RHO: variants seen among roughly 807,000 people sequenced by gnomAD.
The protein encoded by RHO is rhodopsin.
RHO carries 21 observed loss-of-function variants against 31.2 expected under a neutral mutation model. The observed-to-expected ratio is 0.67, with a 90% confidence interval of 0.48 to 0.97. The LOEUF (loss-of-function observed/expected upper bound fraction) is 0.97, where lower values mean the gene tolerates loss of function less well. Among genes scored for constraint, RHO ranks in the 50% least tolerant of loss-of-function variants. The pLI is 0.00. For synonymous variants in RHO, 211 were observed against 196.6 expected, an observed-to-expected ratio of 1.07 and a Z score of -0.61; for missense variants, 414 against 479.5, an observed-to-expected ratio of 0.86 and a Z score of 1.28.
chr3:129,535,199 T>C lies in RHO; in HGVS notation c.*1481T>C, dbSNP rs1341853170. Reference sequence around the variant, plus strand: ...GGTGGGTTTTGTTGCTTTCACACTCTATCCACAGGATAGATTGAAACTGCC... The same window carrying C: ...GGTGGGTTTTGTTGCTTTCACACTCCATCCACAGGATAGATTGAAACTGCC... On this transcript the variant is annotated 3_prime_UTR_variant, in exon 5 of 5. Coordinates refer to ENST00000296271, the MANE Select transcript of RHO (RefSeq NM_000539.3). The C allele has an allele frequency of 2.6e-5, 4 of 152,638 alleles. No individual in the cohort carries two copies. Among genetic ancestry groups the C allele is most frequent in the African/African-American group, 9.6e-5 (4 of 41,452 alleles). 9.5% of individuals were successfully genotyped at this position (152,638 alleles called of 1,614,324 possible). A position where few individuals can be genotyped will look rare whatever the true frequency, so the allele number is the denominator to read the frequency against.
intron 4 of RHO, among the ~76,000 whole-genome samples, chr3:129,533,167 T>A (rs2108750642): frequency 6.6e-6 from 1 of 152,080 alleles, no homozygotes; most frequent in East Asian, 1.9e-4. Flanking sequence ...GGGTAAAGGG[T>A]TCCTCGGAGA....
In RHO at chr3:129,528,906, C is replaced by G. The variant is rs28933394; in HGVS notation, c.173C>G (p.Thr58Arg). 6.2e-7 allele frequency: 1 copy of G among 1,614,254 alleles called. No individual in the cohort carries two copies. Among genetic ancestry groups the G allele is most frequent in the Non-Finnish European group, 8.5e-7 (1 of 1,180,056 alleles). ...IVLGFPINFL[T>R]LYVTVQHKKL... ...CTGGGCTTCCCCATCAACTTCCTCA[C>G]GCTCTACGTCACCGTCCAGCACAAG... is the stretch of plus-strand genomic sequence containing the variant. Residue 58 changes from threonine (T) to arginine (R), a missense_variant, in exon 1 of 5, where the codon ACG (threonine) becomes AGG (arginine). Coordinates refer to ENST00000296271, the MANE Select transcript of RHO (RefSeq NM_000539.3).
In RHO at chr3:129,530,973, C is replaced by A; in HGVS notation, c.459C>A (p.Ala153=). Residue 153 remains alanine, a synonymous_variant, in exon 2 of 5, where the codon GCC becomes GCA. Transcript: ENST00000296271. ...MSNFRFGENH[A]IMGVAFTWVM... ...ACTTCCGCTTCGGGGAGAACCATGC[C>A]ATCATGGGCGTTGCCTTCACCTGGG... 1.2e-6 allele frequency: 2 copies of A among 1,614,272 alleles called. No homozygotes were observed. The highest frequency in any genetic ancestry group is 4.5e-5 in the East Asian group (2 of 44,888).
intron 1 of RHO, among the ~76,000 whole-genome samples, chr3:129,530,025 C>A (rs568169643): frequency 6.6e-6 from 1 of 152,338 alleles, no homozygotes; most frequent in African/African-American, 2.4e-5. Context: ...TCTCTGCCAG[C>A]CTTGCCCTGT....
In RHO at chr3:129,535,061, C is replaced by T. The variant is rs962948896; in HGVS notation, c.*1343C>T. 1 of 152,662 alleles carries T rather than the reference C, an allele frequency of 6.6e-6. No homozygotes were observed. The highest frequency in any genetic ancestry group is 6.5e-5 in the Admixed American group (1 of 15,290). 9.5% of individuals were successfully genotyped at this position (152,662 alleles called of 1,614,324 possible). ...CAGAATTAAGCTGCCTCAGTAACTG[C>T]TCCCCCTTCTCCATATAAGCAAAGC... is the stretch of plus-strand genomic sequence containing the variant. On this transcript the variant is annotated 3_prime_UTR_variant, in exon 5 of 5. Transcript: ENST00000296271.
In RHO at chr3:129,532,688, T is replaced by TC; in HGVS notation, c.855dup (p.Ile286HisfsTer45). 6.2e-7 allele frequency: 1 copy of TC among 1,614,246 alleles called. No individual in the cohort carries two copies. The highest frequency in any genetic ancestry group is 8.5e-7 in the Non-Finnish European group (1 of 1,180,038). The stretch of plus-strand genomic sequence containing the variant: ...TCACCCACCAGGGCTCCAACTTCGG[T>TC]CCCATCTTCATGACCATCCCAGCGT... On this transcript the variant is annotated frameshift_variant, in exon 4 of 5. Coordinates refer to ENST00000296271, the MANE Select transcript of RHO (RefSeq NM_000539.3). LOFTEE classifies it high-confidence loss of function. This position sits in a 1 kb window ranked among gnomAD's most constrained non-coding sequence, Gnocchi z 5.5.
chr3:129,533,778 A>G lies in RHO; in HGVS notation c.*60A>G, dbSNP rs2084802300. ...TCTCCCATCCCCTACACCTTCCCCCAGCCACAGCCATCCCACCAGGAGCAG... is the reference window on the plus strand; with the variant it reads ...TCTCCCATCCCCTACACCTTCCCCCGGCCACAGCCATCCCACCAGGAGCAG... On this transcript the variant is annotated 3_prime_UTR_variant, in exon 5 of 5. Coordinates refer to ENST00000296271, the MANE Select transcript of RHO (RefSeq NM_000539.3). 5.3e-6 allele frequency: 6 copies of G among 1,133,034 alleles called. No homozygotes were observed. Among genetic ancestry groups the G allele is most frequent in the Non-Finnish European group, 8.1e-6 (6 of 743,892 alleles). The allele number at this position is 1,133,034 out of a possible 1,614,324, so 70.2% of individuals were successfully genotyped here. A position where few individuals can be genotyped will look rare whatever the true frequency, so the allele number is the denominator to read the frequency against.
Position 129,530,533 on chromosome 3 carries a change from A to ACACACAAC in RHO, c.362-343_362-342insCACACAAC, listed in dbSNP as rs1553781099. The stretch of plus-strand genomic sequence containing the variant: ...CACACACACACACACACACACACAC[A>ACACACAAC]ACACACACACACACACACACACACA... On this transcript the variant is annotated intron_variant, in intron 1 of 4. Transcript: ENST00000296271. 2.6e-3 allele frequency among the ~76,000 whole-genome samples: 323 copies of ACACACAAC among 122,904 alleles called. 3 individuals are homozygous for ACACACAAC. The highest frequency in any genetic ancestry group is 0.012 in the African/African-American group (299 of 24,556). 80.6% of individuals were successfully genotyped at this position (122,904 alleles called of 152,430 possible).
chr3:129,531,580 C>G (rs1231341641), intron 2 of RHO, among the ~76,000 whole-genome samples: 1 of 152,220 alleles, frequency 6.6e-6, no homozygotes, highest in African/African-American at 2.4e-5. Context: ...AATTCCCACT[C>G]TCACTTCCCT....
chr3:129,532,176 G>C lies in RHO; in HGVS notation c.531-75G>C. 8.2e-7 allele frequency: 1 copy of C among 1,219,058 alleles called. No individual in the cohort carries two copies. The highest frequency in any genetic ancestry group is 1.7e-5 in the Admixed American group (1 of 58,112). The allele number at this position is 1,219,058 out of a possible 1,614,324, so 75.5% of individuals were successfully genotyped here. ...GGAGGGAATGTGAAGCCCCAGAAAG[G>C]GCCAGCGCTCGGCAGCCACCTTGGC... is the stretch of plus-strand genomic sequence containing the variant. On this transcript the variant is annotated intron_variant, in intron 2 of 4. Coordinates refer to ENST00000296271, the MANE Select transcript of RHO (RefSeq NM_000539.3). The surrounding 1 kb of genome is among the most constrained non-coding windows in gnomAD (Gnocchi z 5.5).
chr3:129,532,376 T>C lies in RHO; in HGVS notation c.656T>C (p.Ile219Thr). The change falls in exon 3 of 5, where the codon ATC (isoleucine) becomes ACC (threonine). Residue 219 changes from isoleucine (I) to threonine (T), a missense_variant. Transcript: ENST00000296271. This position sits in a 1 kb window ranked among gnomAD's most constrained non-coding sequence, Gnocchi z 5.5. ...VVHFTIPMII[I>T]FFCYGQLVFT... The stretch of plus-strand genomic sequence containing the variant: ...CACTTCACCATCCCCATGATTATCA[T>C]CTTTTTCTGCTATGGGCAGCTCGTC... The C allele has an allele frequency of 6.2e-7, 1 of 1,614,010 alleles. No individual in the cohort carries two copies. The highest frequency in any genetic ancestry group is 8.5e-7 in the Non-Finnish European group (1 of 1,180,014).
Position 129,528,775 on chromosome 3 carries a change from C to T in RHO, c.42C>T (p.Ser14=), listed in dbSNP as rs1456787939. ...TEGPNFYVPF[S]NATGVVRSPF... is the part of the protein sequence containing the mutation. ...GCCCTAACTTCTACGTGCCCTTCTCCAATGCGACGGGTGTGGTACGCAGCC... is the reference window on the plus strand; with the variant it reads ...GCCCTAACTTCTACGTGCCCTTCTCTAATGCGACGGGTGTGGTACGCAGCC... The change falls in exon 1 of 5, where the codon TCC becomes TCT. Residue 14 remains serine, a synonymous_variant. Transcript: ENST00000296271. 1 of 1,614,076 alleles carries T rather than the reference C, an allele frequency of 6.2e-7. No homozygotes were observed.
chr3:129,530,522 CACACACACACA>C (rs1289987340), intron 1 of RHO, among the ~76,000 whole-genome samples: 4 of 132,256 alleles, frequency 3.0e-5, no homozygotes, highest in Non-Finnish European at 4.5e-5. Flanking sequence ...CACACACACA[CACACACACACA>C]ACACACACAC....
rs749663446 is a variant in RHO at position 129,533,650 on chromosome 3, C to A, written c.979C>A (p.Pro327Thr). 1 of 1,614,126 alleles carries A rather than the reference C, an allele frequency of 6.2e-7. No individual in the cohort carries two copies. Among genetic ancestry groups the A allele is most frequent in the East Asian group, 2.2e-5 (1 of 44,862 alleles). ...CACCACCATCTGCTGCGGCAAGAACCCACTGGGTGACGATGAGGCCTCTGC... is the reference window on the plus strand; with the variant it reads ...CACCACCATCTGCTGCGGCAAGAACACACTGGGTGACGATGAGGCCTCTGC... ...MLTTICCGKN[P>T]LGDDEASATV... The change falls in exon 5 of 5, where the codon CCA (proline) becomes ACA (threonine). Residue 327 changes from proline to threonine, a missense_variant. Coordinates refer to ENST00000296271, the MANE Select transcript of RHO (RefSeq NM_000539.3).
chr3:129,534,953 G>A lies in RHO; in HGVS notation c.*1235G>A, dbSNP rs1042822020. On this transcript the variant is annotated 3_prime_UTR_variant, in exon 5 of 5. Transcript: ENST00000296271. Reference sequence around the variant, plus strand: ...CCCCAGTTTCCAGTTTCCCTTGCCAGACAAGCCCATCTTCAGCAGTTGCTA... The same window carrying A: ...CCCCAGTTTCCAGTTTCCCTTGCCAAACAAGCCCATCTTCAGCAGTTGCTA... 1 of 152,626 alleles carries A rather than the reference G, an allele frequency of 6.6e-6. No homozygotes were observed. Among genetic ancestry groups the A allele is most frequent in the Non-Finnish European group, 1.5e-5 (1 of 68,038 alleles). The allele number at this position is 152,626 out of a possible 1,614,324, so 9.5% of individuals were successfully genotyped here.
Position 129,532,195 on chromosome 3 carries a change from C to G in RHO, c.531-56C>G. On this transcript the variant is annotated intron_variant, in intron 2 of 4. Transcript: ENST00000296271. This position sits in a 1 kb window ranked among gnomAD's most constrained non-coding sequence, Gnocchi z 5.5. ...AGAAAGGGCCAGCGCTCGGCAGCCA[C>G]CTTGGCTGTTCCCAAGTCCCTCACA... 2 of 1,498,706 alleles carry G rather than the reference C, an allele frequency of 1.3e-6. No individual in the cohort carries two copies. Among genetic ancestry groups the G allele is most frequent in the South Asian group, 2.3e-5 (2 of 88,740 alleles). 92.8% of individuals were successfully genotyped at this position (1,498,706 alleles called of 1,614,324 possible).
In RHO at chr3:129,531,023, C is replaced by G. The variant is rs1553781176; in HGVS notation, c.509C>G (p.Pro170Arg). 1 of 1,614,056 alleles carries G rather than the reference C, an allele frequency of 6.2e-7. No homozygotes were observed. The highest frequency in any genetic ancestry group is 8.5e-7 in the Non-Finnish European group (1 of 1,180,046). ...TWVMALACAAPPLAGWSRYIP... is the reference protein window; with the variant it reads ...TWVMALACAARPLAGWSRYIP... The stretch of plus-strand genomic sequence containing the variant: ...GTCATGGCGCTGGCCTGCGCCGCAC[C>G]CCCACTCGCCGGCTGGTCCAGGTAA... Residue 170 changes from proline (P) to arginine (R), a missense_variant, in exon 2 of 5, where the codon CCC becomes CGC. Transcript: ENST00000296271.
intron 1 of RHO, among the ~76,000 whole-genome samples, chr3:129,530,282 GGTGAGCAGGACA>G (rs2084768953): frequency 6.6e-6 from 1 of 152,102 alleles, no homozygotes; most frequent in Admixed American, 6.5e-5. Flanking sequence ...TTCATGGGGT[GGTGAGCAGGACA>G]GATGTCTGAA....
rs1309373132 is a variant in RHO, at chr3:129,528,810, A to G, written c.77A>G (p.Tyr26Cys). ...GGTGTGGTACGCAGCCCCTTCGAGT[A>G]CCCACAGTACTACCTGGCTGAGCCA... is the stretch of plus-strand genomic sequence containing the variant. Reference protein sequence around the residue: ...ATGVVRSPFEYPQYYLAEPWQ... With the variant: ...ATGVVRSPFECPQYYLAEPWQ... The change falls in exon 1 of 5, where the codon TAC (tyrosine) becomes TGC (cysteine). Residue 26 changes from tyrosine to cysteine, a missense_variant. Physicochemically the swap from Tyr to Cys is radical, Grantham distance 194. Coordinates refer to ENST00000296271, the MANE Select transcript of RHO (RefSeq NM_000539.3). 1 of 1,614,006 alleles carries G rather than the reference A, an allele frequency of 6.2e-7. No individual in the cohort carries two copies. Among genetic ancestry groups the G allele is most frequent in the East Asian group, 2.2e-5 (1 of 44,896 alleles).
Sources: allele counts gnomAD v4.1 joint callset (sites outside exome capture counted in the v4.1 genomes callset), GRCh38; gene constraint gnomAD v4.1.1; non-coding constraint Gnocchi (gnomAD v3.1); transcripts MANE v1.5; gene names NCBI Gene and HGNC (gene_info 2026-07-23, HGNC 2026-07-21).